Variants in ESR1 observed in about 807,000 individuals in gnomAD.
ESR1 encodes the protein estrogen receptor.
Under a neutral mutation model 52.7 loss-of-function variants are expected in ESR1, and 12 were observed. The ratio of observed to expected loss-of-function variants is 0.23; its 90% CI spans 0.15 to 0.37. ESR1 has a LOEUF of 0.37. Among genes scored for constraint, ESR1 ranks in the 10% least tolerant of loss-of-function variants. The probability of loss-of-function intolerance (pLI) is 1.00; values close to 1 mark genes in which losing one functional copy is unlikely to be tolerated. For synonymous variants in ESR1, 305 were observed against 316.8 expected (o/e 0.96, Z 0.39); for missense variants, 584 against 779.7 (o/e 0.75, Z 2.99).
intron 3 of ESR1, among the ~76,000 whole-genome samples, chr6:151,887,146 A>C (rs931629621): frequency 2.0e-5 from 3 of 152,094 alleles, no homozygotes; most frequent in Non-Finnish European, 4.4e-5. Flanking sequence ...GGATTGCCGA[A>C]TAATTGTGGA....
intron 2 of ESR1, among the ~76,000 whole-genome samples, chr6:151,850,927 G>A (rs1001055025): frequency 4.6e-5 from 7 of 151,948 alleles, no homozygotes; most frequent in South Asian, 2.1e-4. Context: ...CATCTAAGCC[G>A]TTTGCTTATG....
chr6:152,038,581 A>C (rs2045516136), intron 5 of ESR1, among the ~76,000 whole-genome samples: 1 of 152,196 alleles, frequency 6.6e-6, no homozygotes, highest in Admixed American at 6.5e-5. Flanking sequence ...TCCCAAACCA[A>C]ATGTTATTAC....
chr6:151,697,395 C>A (rs1375534971), intron 1 of ESR1, among the ~76,000 whole-genome samples: 1 of 152,174 alleles, frequency 6.6e-6, no homozygotes. Context: ...GCTTGGTGCC[C>A]CATCTTCCTA....
chr6:151,912,681 A>T (rs1798450679), intron 3 of ESR1, among the ~76,000 whole-genome samples: 1 of 152,188 alleles, frequency 6.6e-6, no homozygotes, highest in Admixed American at 6.5e-5. Context: ...GAACAATAAG[A>T]GCGGGAGAAT....
At chr6:151,872,756 A>G (rs1224250957) in intron 2 of ESR1, among the ~76,000 whole-genome samples, 3 of 152,182 alleles carry the variant, frequency 2.0e-5, no homozygotes, top group Admixed American at 6.5e-5. Context: ...AAGACAAAGC[A>G]TCACTCAGGA....
intron 1 of ESR1, among the ~76,000 whole-genome samples, chr6:151,826,971 G>A (rs1290080660): frequency 1.3e-5 from 2 of 152,144 alleles, no homozygotes; most frequent in Non-Finnish European, 2.9e-5. Context: ...AAGAGGCCCT[G>A]ATGTGGGAAC....
chr6:152,063,030 G>T (rs1431868621), intron 6 of ESR1, among the ~76,000 whole-genome samples: 3 of 152,066 alleles, frequency 2.0e-5, no homozygotes, highest in Non-Finnish European at 4.4e-5. Context: ...AACCCAGGGG[G>T]AAAAAACTTT....
intron 3 of ESR1, among the ~76,000 whole-genome samples, chr6:151,925,789 T>A (rs1343499537): frequency 6.6e-6 from 1 of 152,082 alleles, no homozygotes; most frequent in East Asian, 1.9e-4. Context: ...TTTTTCAAAG[T>A]AGAAATTTAA....
rs188042790 is a variant in ESR1 at position 152,078,641 on chromosome 6, C to T, written c.1370-15744C>T. Among the ~76,000 whole-genome samples, 19 of 152,226 alleles carry T rather than the reference C, an allele frequency of 1.2e-4. No homozygotes were observed. The East Asian group carries it at 1.4e-3, about 11-fold the overall frequency. ...CTGGTTGGACAGTGGGTGCAGCCCA[C>T]GGAGGGTGAGCCGAACTGGGGCAGG... On this transcript the variant is annotated intron_variant, in intron 6 of 7. Coordinates refer to ENST00000206249, the MANE Select transcript of ESR1 (RefSeq NM_000125.4).
chr6:152,120,965 G>A (rs2051312414), intron 6 of ESR1, among the ~76,000 whole-genome samples: 1 of 152,134 alleles, frequency 6.6e-6, no homozygotes, highest in Non-Finnish European at 1.5e-5. Context: ...AGGTTTACAA[G>A]TACAAAGAGG....
At chr6:151,902,787 G>T (rs184720180) in intron 3 of ESR1, among the ~76,000 whole-genome samples, 1 of 152,262 alleles carries the variant, frequency 6.6e-6, no homozygotes, top group Admixed American at 6.5e-5. Flanking sequence ...GTTACAATGG[G>T]TAATGAAAAG....
intron 6 of ESR1, among the ~76,000 whole-genome samples, chr6:152,086,349 A>G (rs1585184480): frequency 6.6e-6 from 1 of 151,040 alleles, no homozygotes; most frequent in Non-Finnish European, 1.5e-5. Context: ...ATTTTATTAC[A>G]AAGGCTATAT....
chr6:152,017,645 C>G lies in ESR1; in HGVS notation c.1235+5851C>G, dbSNP rs148946226. ...TCCTCTGTGTCTACTAGGAATGCCTCTCTTCATTTAGTCCTGCTTGAGTGC... is the reference window on the plus strand; with the variant it reads ...TCCTCTGTGTCTACTAGGAATGCCTGTCTTCATTTAGTCCTGCTTGAGTGC... On this transcript the variant is annotated intron_variant, in intron 5 of 7. Coordinates refer to ENST00000206249, the MANE Select transcript of ESR1 (RefSeq NM_000125.4). Among the ~76,000 whole-genome samples, 723 of 152,136 alleles carry G rather than the reference C, an allele frequency of 4.8e-3. 5 individuals carry two copies. Among genetic ancestry groups the G allele is most frequent in the Middle Eastern group, 0.024 (7 of 294 alleles).
intron 2 of ESR1, among the ~76,000 whole-genome samples, chr6:151,798,983 C>G (rs1214900238): frequency 6.6e-6 from 1 of 152,142 alleles, no homozygotes; most frequent in Admixed American, 6.5e-5. Flanking sequence ...CAAGCTCTTC[C>G]CATTTCTTTA....
chr6:152,120,415 AG>A (rs2051287680), intron 6 of ESR1, among the ~76,000 whole-genome samples: 1 of 152,142 alleles, frequency 6.6e-6, no homozygotes, highest in Non-Finnish European at 1.5e-5. Flanking sequence ...TTTAACCACG[AG>A]GTGGTCTTCT....
chr6:152,043,154 G>C (rs1472180764), intron 5 of ESR1, among the ~76,000 whole-genome samples: 1 of 152,120 alleles, frequency 6.6e-6, no homozygotes, highest in African/African-American at 2.4e-5. Context: ...ATAAGCCTTT[G>C]GATCCCTTCC....
At chr6:151,811,435 T>G in intron 1 of ESR1, among the ~76,000 whole-genome samples, 1 of 152,210 alleles carries the variant, frequency 6.6e-6, no homozygotes, top group Non-Finnish European at 1.5e-5. Flanking sequence ...GCTGCATGCT[T>G]ATTTCAGTTT....
At chr6:151,900,942 T>A (rs914104406) in intron 3 of ESR1, among the ~76,000 whole-genome samples, 1 of 152,246 alleles carries the variant, frequency 6.6e-6, no homozygotes, top group African/African-American at 2.4e-5. Context: ...GGTGGCACTT[T>A]CAAGACAGCG....
intron 4 of ESR1, among the ~76,000 whole-genome samples, chr6:151,945,778 T>C (rs570041298): frequency 1.3e-5 from 2 of 152,370 alleles, no homozygotes; most frequent in South Asian, 4.1e-4. Flanking sequence ...TGCTCTGTTA[T>C]AGGCCAAGTG....
Sources: allele counts gnomAD v4.1 joint callset (sites outside exome capture counted in the v4.1 genomes callset), GRCh38; gene constraint gnomAD v4.1.1; transcripts MANE v1.5; gene names NCBI Gene and HGNC (gene_info 2026-07-23, HGNC 2026-07-21).